SLC26A9: variants seen among roughly 807,000 people sequenced by gnomAD.
SLC26A9 encodes anion transporter/exchanger protein 9.
In SLC26A9, 46 loss-of-function variants were observed where a neutral mutation model predicts 87.1. The ratio of observed to expected loss-of-function variants is 0.53; its 90% CI spans 0.42 to 0.67. The LOEUF (loss-of-function observed/expected upper bound fraction) is 0.67, where lower values mean the gene tolerates loss of function less well. SLC26A9 is among the 30% of genes least tolerant of loss of function. SLC26A9 has a pLI of 0.00. For missense variants in SLC26A9, 927 were observed against 1,018.3 expected, an observed-to-expected ratio of 0.91 and a Z score of 1.22; for synonymous variants, 437 against 409.1, an observed-to-expected ratio of 1.07 and a Z score of -0.82.
In SLC26A9 at chr1:205,931,914, C is replaced by T. The variant is rs1659324528; in HGVS notation, c.498G>A (p.Glu166=). Residue 166 remains glutamate, a synonymous_variant, in exon 5 of 21, where the codon GAG becomes GAA. Coordinates refer to ENST00000367135, the MANE Select transcript of SLC26A9 (RefSeq NM_052934.4). ...TAGCTGACACGTGCAGCCTCTCAGC[C>T]TCCATGGCTGCTGTGTCCACATAGC... is the stretch of plus-strand genomic sequence containing the variant. ...NESYVDTAAM[E]AERLHVSATL... 3 of 1,614,220 alleles carry T rather than the reference C, an allele frequency of 1.9e-6. No individual in the cohort carries two copies. The highest frequency in any genetic ancestry group is 1.7e-5 in the Admixed American group (1 of 60,030).
intron 13 of SLC26A9, among the ~76,000 whole-genome samples, chr1:205,923,893 C>A (rs575601903): frequency 2.1e-4 from 32 of 152,282 alleles, no homozygotes; most frequent in African/African-American, 7.7e-4. Context: ...CTGAAGTCAT[C>A]ATTTCCTTGT....
chr1:205,939,326 A>T (rs751159665), intron 1 of SLC26A9, among the ~76,000 whole-genome samples: 3 of 152,116 alleles, frequency 2.0e-5, no homozygotes, highest in Non-Finnish European at 1.5e-5. Context: ...CCTGAGTGGC[A>T]CTCAGAATGC....
At chr1:205,943,141 G>A (rs994331409) in intron 1 of SLC26A9, among the ~76,000 whole-genome samples, 12 of 152,228 alleles carry the variant, frequency 7.9e-5, no homozygotes, top group African/African-American at 2.9e-4. Context: ...GTCAAGCCCA[G>A]CCTTGCAGCC....
At chr1:205,929,539 G>A (rs2102590531) in intron 6 of SLC26A9, among the ~76,000 whole-genome samples, 183 bp from the exon 7 acceptor site, 1 of 152,328 alleles carries the variant, frequency 6.6e-6, no homozygotes, top group Admixed American at 6.5e-5. Context: ...AGGCACATGG[G>A]GAACTTGTGC....
rs528736255 is a variant in SLC26A9 at position 205,928,966 on chromosome 1, G to T, written c.871-57C>A. 54 of 1,594,178 alleles carry T rather than the reference G, an allele frequency of 3.4e-5. 1 individual carries two copies. The South Asian group carries it at 5.8e-4, about 17-fold the overall frequency. On this transcript the variant is annotated intron_variant, in intron 7 of 20. Coordinates refer to ENST00000367135, the MANE Select transcript of SLC26A9 (RefSeq NM_052934.4). ...GCCCTAAGGTGGGGCCAGGGCAGGC[G>T]TCTCTCTCAAGTCTCCCTTTTCTCT...
chr1:205,916,709 C>A (rs201507574), intron 20 of SLC26A9, among the ~76,000 whole-genome samples: 2 of 152,104 alleles, frequency 1.3e-5, no homozygotes, highest in East Asian at 3.8e-4. Flanking sequence ...CTCAGGGTCA[C>A]GTGGGTGATG....
In SLC26A9 at chr1:205,920,198, C is replaced by T. The variant is rs1658768531; in HGVS notation, c.2088G>A (p.Lys696=). 2 of 1,613,920 alleles carry T rather than the reference C, an allele frequency of 1.2e-6. No homozygotes were observed. The highest frequency in any genetic ancestry group is 1.1e-5 in the South Asian group (1 of 91,088). The change falls in exon 18 of 21, where the codon AAG becomes AAA. Residue 696 remains lysine (K), a synonymous_variant. Transcript: ENST00000367135. The stretch of plus-strand genomic sequence containing the variant: ...TACCATGGATGTTCACCAAGAAGAC[C>T]TTCACGCCGATCTTCCCATAGGTGG... ...LSSTYGKIGV[K]VFLVNIHAQV...
At chr1:205,928,214 G>A in intron 8 of SLC26A9, 165 bp from the exon 9 acceptor site, 1 of 785,802 alleles carries the variant, frequency 1.3e-6, no homozygotes, top group Non-Finnish European at 2.0e-6. Flanking sequence ...CATAGGGTAG[G>A]GACCATCACT....
chr1:205,927,906 T>C lies in SLC26A9; in HGVS notation c.1097A>G (p.Asn366Ser), dbSNP rs763936732. ...ANKHGYDVDSNQEMIALGCSN... is the reference protein window; with the variant it reads ...ANKHGYDVDSSQEMIALGCSN... Reference sequence around the variant, plus strand: ...GCCGGGGGTGGCCAGAGCTACCTGGTTCGAATCCACGTCGTAGCCGTGCTT... The same window carrying C: ...GCCGGGGGTGGCCAGAGCTACCTGGCTCGAATCCACGTCGTAGCCGTGCTT... Residue 366 changes from asparagine (N) to serine (S), a missense_variant, in exon 9 of 21, where the codon AAC (asparagine) becomes AGC (serine). Transcript: ENST00000367135. The C allele has an allele frequency of 1.2e-6, 2 of 1,613,840 alleles. No homozygotes were observed. Among genetic ancestry groups the C allele is most frequent in the African/African-American group, 2.7e-5 (2 of 74,922 alleles).
At chr1:205,925,780 C>G (rs377462513) in intron 12 of SLC26A9, among the ~76,000 whole-genome samples, 1 of 152,168 alleles carries the variant, frequency 6.6e-6, no homozygotes, top group Non-Finnish European at 1.5e-5. Flanking sequence ...GTTTCATCAC[C>G]GTTAAGAAAG....
chr1:205,931,806 G>A (rs1461670230), intron 5 of SLC26A9, 54 bp downstream of exon 5: 69 of 1,561,390 alleles, frequency 4.4e-5, no homozygotes, highest in Non-Finnish European at 5.7e-5. Flanking sequence ...GGCTTTGAGG[G>A]AGGGGCAGGG....
In SLC26A9 at chr1:205,915,407, GCAGGAACCA is replaced by G; in HGVS notation, c.2329-12_2329-4del. On this transcript the variant is annotated splice_region_variant and splice_polypyrimidine_tract_variant and intron_variant, in intron 20 of 20. Transcript: ENST00000367135. ...TGAAACATGCTCCCGAACATCTCCT[GCAGGAACCA>G]CAGGAAGGAAGTGGGAGGGGAAGAG... 1 of 1,614,034 alleles carries G rather than the reference GCAGGAACCA, an allele frequency of 6.2e-7. No individual in the cohort carries two copies. Among genetic ancestry groups the G allele is most frequent in the Non-Finnish European group, 8.5e-7 (1 of 1,180,012 alleles).
rs958940071 is a variant in SLC26A9, at chr1:205,941,082, C to G, written c.-19+2283G>C. Among the ~76,000 whole-genome samples the G allele has an allele frequency of 3.3e-5, 5 of 152,178 alleles. No homozygotes were observed. In the East Asian group the frequency reaches 7.7e-4, roughly 23 times the overall value. ...CTGGGACAGACAAGCTGGCTGGGGT[C>G]TCAGTGGGAGACCACATCCATGGCA... On this transcript the variant is annotated intron_variant, in intron 1 of 20. Transcript: ENST00000367135.
chr1:205,924,360 G>A (rs779143642), intron 13 of SLC26A9, 23 bp downstream of exon 13: 6 of 1,610,696 alleles, frequency 3.7e-6, no homozygotes, highest in Non-Finnish European at 5.1e-6. Context: ...TGTGGGCCTA[G>A]GAGGGCGGAA....
rs117522841 is a variant in SLC26A9 at position 205,927,092 on chromosome 1, T to C, written c.1293+119A>G. The C allele has an allele frequency of 1.5e-3, 1,483 of 978,498 alleles. 25 individuals are homozygous for C. The East Asian group carries it at 0.035, about 23-fold the overall frequency. 60.6% of individuals were successfully genotyped at this position (978,498 alleles called of 1,614,324 possible). On this transcript the variant is annotated intron_variant, in intron 11 of 20. Transcript: ENST00000367135. ...CCTGCATTGTCTACCTCACAGTTTGTGGTTGAGACTAAGTGTGACAACAGT... is the reference window on the plus strand; with the variant it reads ...CCTGCATTGTCTACCTCACAGTTTGCGGTTGAGACTAAGTGTGACAACAGT...
chr1:205,931,305 T>G (rs1659293090), intron 5 of SLC26A9, among the ~76,000 whole-genome samples: 1 of 152,144 alleles, frequency 6.6e-6, no homozygotes. Flanking sequence ...GGAGAGAGGC[T>G]GTGAGTCTTT....
intron 16 of SLC26A9, among the ~76,000 whole-genome samples, chr1:205,922,770 G>A (rs1658895761): frequency 6.6e-6 from 1 of 152,160 alleles, no homozygotes. Flanking sequence ...GGGTGTGGTG[G>A]CACCTGTAAT....
chr1:205,918,875 C>A lies in SLC26A9; in HGVS notation c.2221G>T (p.Ala741Ser), dbSNP rs2102572247. 3.1e-6 allele frequency: 5 copies of A among 1,614,192 alleles called. No homozygotes were observed. Among genetic ancestry groups the A allele is most frequent in the Non-Finnish European group, 4.2e-6 (5 of 1,179,996 alleles). Reference sequence around the variant, plus strand: ...TTGTGTCCTGGGGTCACGTCTCTAGCATTTGCCTGGGCAAAGAGGACTGCG... The same window carrying A: ...TTGTGTCCTGGGGTCACGTCTCTAGAATTTGCCTGGGCAAAGAGGACTGCG... The part of the protein sequence containing the change: ...HDAVLFAQAN[A>S]RDVTPGHNFQ... Residue 741 changes from alanine to serine, a missense_variant, in exon 19 of 21, where the codon GCT (alanine) becomes TCT (serine). Ala to Ser is a moderately conservative substitution (Grantham distance 99). Coordinates refer to ENST00000367135, the MANE Select transcript of SLC26A9 (RefSeq NM_052934.4).
At chr1:205,915,488 C>T in intron 20 of SLC26A9, 84 bp from the exon 21 acceptor site, 1 of 1,573,748 alleles carries the variant, frequency 6.4e-7, no homozygotes, top group South Asian at 1.1e-5. Flanking sequence ...CAAGAGGTGA[C>T]CCTAGGAACC....
Sources: gnomAD v4.1 joint callset for allele counts (sites outside exome capture counted in the v4.1 genomes callset) on GRCh38, gnomAD v4.1.1 for gene constraint, MANE v1.5 for transcripts, NCBI Gene and HGNC (gene_info 2026-07-23, HGNC 2026-07-21) for gene names.